XCR1: variants seen among roughly 807,000 people sequenced by gnomAD.
The protein encoded by XCR1 is X-C motif chemokine receptor 1, also known as chemokine XC receptor 1.
For missense variants in XCR1, 356 were observed against 424.2 expected, an observed-to-expected ratio of 0.84 and a Z score of 1.41; for synonymous variants, 187 against 188.5, an observed-to-expected ratio of 0.99 and a Z score of 0.06.
intron 4 of XCR1, among the ~76,000 whole-genome samples, chr3:46,061,483 A>G (rs907004851): frequency 5.9e-5 from 9 of 152,130 alleles, no homozygotes; most frequent in African/African-American, 2.2e-4. Flanking sequence ...CATCCAAACC[A>G]CTTGATTATT....
At chr3:46,045,790 C>A (rs1052517111) in intron 5 of XCR1, among the ~76,000 whole-genome samples, 20 of 152,252 alleles carry the variant, frequency 1.3e-4, no homozygotes, top group Admixed American at 1.2e-3. Context: ...AGTACAACCT[C>A]TATAGAAAAT....
chr3:46,058,646 C>G (rs35420565), intron 4 of XCR1, among the ~76,000 whole-genome samples: 13,735 of 152,220 alleles, frequency 0.09, 1,007 homozygotes, highest in South Asian at 0.34. Context: ...CTCCTGGGCT[C>G]AAGCGATCCT....
chr3:46,052,040 A>AAAAC (rs1697756516), intron 5 of XCR1, among the ~76,000 whole-genome samples: 1 of 142,896 alleles, frequency 7.0e-6, no homozygotes, highest in African/African-American at 2.6e-5. Context: ...AAACAAAAAC[A>AAAAC]AAAAAAAAAC....
At chr3:46,079,744 C>G (rs1054143319) in intron 1 of XCR1, among the ~76,000 whole-genome samples, 61 of 152,286 alleles carry the variant, frequency 4.0e-4, no homozygotes, top group African/African-American at 1.4e-3. Flanking sequence ...AAAGACTTCC[C>G]TGACCTGCTC....
intron 5 of XCR1, among the ~76,000 whole-genome samples, chr3:46,052,035 A>AAAGC (rs1697755443): frequency 8.3e-6 from 1 of 120,724 alleles, no homozygotes. Flanking sequence ...CAAAAAAACA[A>AAAGC]AAACAAAAAA....
In XCR1 at chr3:46,019,112, T is replaced by G. The variant is rs1218606162; in HGVS notation, c.*1834A>C. 1 of 152,052 alleles carries G rather than the reference T, an allele frequency of 6.6e-6. No individual in the cohort carries two copies. 9.4% of individuals were successfully genotyped at this position (152,052 alleles called of 1,614,324 possible). On this transcript the variant is annotated 3_prime_UTR_variant, in exon 2 of 2. Coordinates refer to ENST00000309285, the MANE Select transcript of XCR1 (RefSeq NM_001024644.2). Reference sequence around the variant, plus strand: ...GCGTACCATGAACTAGAAGGCAAGGTGAAGCATAGCCATCGCCACAGAGAG... The same window carrying G: ...GCGTACCATGAACTAGAAGGCAAGGGGAAGCATAGCCATCGCCACAGAGAG...
At chr3:46,067,001 A>C (rs1437752962) in intron 3 of XCR1, among the ~76,000 whole-genome samples, 2 of 152,224 alleles carry the variant, frequency 1.3e-5, no homozygotes, top group Non-Finnish European at 2.9e-5. Flanking sequence ...GTCAGACCTC[A>C]ATACATGCTT....
At chr3:46,079,574 C>T (rs531220935) in intron 1 of XCR1, among the ~76,000 whole-genome samples, 2 of 152,202 alleles carry the variant, frequency 1.3e-5, no homozygotes, top group South Asian at 4.1e-4. Context: ...CTGTCCTGCC[C>T]TTCCTTCCCT....
chr3:46,064,923 C>T (rs1464755867), intron 4 of XCR1, among the ~76,000 whole-genome samples: 1 of 152,080 alleles, frequency 6.6e-6, no homozygotes, highest in African/African-American at 2.4e-5. Flanking sequence ...GAAACCCCGT[C>T]TCTACTAAAA....
chr3:46,037,263 G>A (rs1697446712), intron 5 of XCR1, among the ~76,000 whole-genome samples: 1 of 152,098 alleles, frequency 6.6e-6, no homozygotes, highest in Non-Finnish European at 1.5e-5. Context: ...TTATCTGAAT[G>A]TTAATTCAAA....
intron 1 of XCR1, among the ~76,000 whole-genome samples, chr3:46,077,180 G>A (rs965123102): frequency 1.3e-5 from 2 of 152,146 alleles, no homozygotes; most frequent in African/African-American, 2.4e-5. Flanking sequence ...ACGCAGACCA[G>A]TTAGGAACTA....
At chr3:46,071,240 T>C (rs747130224) in intron 3 of XCR1, among the ~76,000 whole-genome samples, 15 of 151,996 alleles carry the variant, frequency 9.9e-5, no homozygotes, top group Non-Finnish European at 1.9e-4. Flanking sequence ...ATTCTGAACA[T>C]ACAAATAACA....
intron 3 of XCR1, among the ~76,000 whole-genome samples, chr3:46,073,644 C>T (rs1057267337): frequency 6.6e-6 from 1 of 152,010 alleles, no homozygotes; most frequent in South Asian, 2.1e-4. Context: ...AGAGAGCCTG[C>T]AGAATGGGAG....
chr3:46,053,316 C>T (rs940186327), intron 5 of XCR1, among the ~76,000 whole-genome samples: 8 of 145,772 alleles, frequency 5.5e-5, no homozygotes, highest in Admixed American at 1.3e-4. Context: ...TCAGGACTTA[C>T]GGAAATAGGA....
intron 4 of XCR1, among the ~76,000 whole-genome samples, chr3:46,060,318 T>C (rs1388870086): frequency 6.6e-6 from 1 of 152,230 alleles, no homozygotes; most frequent in Non-Finnish European, 1.5e-5. Context: ...CAGTTCTTCC[T>C]GAACTCGGTT....
At chr3:46,029,742 T>C (rs964866684), upstream of XCR1, among the ~76,000 whole-genome samples, 1 of 152,258 alleles carries the variant, frequency 6.6e-6, no homozygotes, top group African/African-American at 2.4e-5. Context: ...ATCGAATTTG[T>C]AGATCAGTTT....
chr3:46,082,476 C>CTTTTTTTTTTTTTTTTTTTTTTT, intron 1 of XCR1, among the ~76,000 whole-genome samples: 1 of 100,030 alleles, frequency 1.0e-5, no homozygotes, highest in Non-Finnish European at 1.8e-5. Context: ...AATCAGGCTC[C>CTTTTTTTTTTTTTTTTTTTTTTT]TTTTTTTTTT....
chr3:46,051,654 G>A (rs537793051), intron 5 of XCR1, among the ~76,000 whole-genome samples: 1 of 152,224 alleles, frequency 6.6e-6, no homozygotes, highest in Non-Finnish European at 1.5e-5. Flanking sequence ...GTGGAGAAGG[G>A]TGTAATTTGC....
chr3:46,042,402 G>A (rs896578657), intron 5 of XCR1, among the ~76,000 whole-genome samples: 2 of 151,954 alleles, frequency 1.3e-5, no homozygotes, highest in Admixed American at 1.3e-4. Context: ...AAAAAAAATT[G>A]ACAAATATTT....
Sources: gnomAD v4.1 joint callset for allele counts (sites outside exome capture counted in the v4.1 genomes callset) on GRCh38, gnomAD v4.1.1 for gene constraint, MANE v1.5 for transcripts, NCBI Gene and HGNC (gene_info 2026-07-23, HGNC 2026-07-21) for gene names.